Variants in BRAF observed in about 807,000 individuals in gnomAD.
BRAF encodes B-Raf proto-oncogene, serine/threonine kinase, also known as serine/threonine-protein kinase B-raf.
BRAF carries 16 observed loss-of-function variants against 104.6 expected under a neutral mutation model. That is an observed-to-expected ratio of 0.15 (90% CI 0.10 to 0.23). The LOEUF is 0.23. Ranked by LOEUF, BRAF falls within the 10% of genes least tolerant of loss-of-function variation. The pLI, the probability that BRAF is intolerant of heterozygous loss-of-function variation, is 1.00. For missense variants in BRAF, 541 were observed against 937.3 expected (o/e 0.58, Z 5.52); for synonymous variants, 310 against 341.6 (o/e 0.91, Z 1.02).
chr7:140,732,716 G>A (rs551953784), intron 19 of BRAF: 1 of 152,292 alleles, frequency 6.6e-6, no homozygotes, highest in South Asian at 2.1e-4. Context: ...ATGGCATTGA[G>A]AAGAAAAAGA....
chr7:140,735,531 T>C (rs1293945592), intron 18 of BRAF, among the ~76,000 whole-genome samples: 1 of 152,230 alleles, frequency 6.6e-6, no homozygotes, highest in Non-Finnish European at 1.5e-5. Context: ...CTATTATTAT[T>C]ACTTTTGTTA....
chr7:140,745,736 T>C (rs1462615149), intron 17 of BRAF, among the ~76,000 whole-genome samples: 1 of 152,260 alleles, frequency 6.6e-6, no homozygotes, highest in African/African-American at 2.4e-5. Context: ...GGTTTTGTTT[T>C]ATTCATTTTG....
At chr7:140,870,229 G>T (rs1167612162) in intron 1 of BRAF, among the ~76,000 whole-genome samples, 1 of 152,160 alleles carries the variant, frequency 6.6e-6, no homozygotes, top group African/African-American at 2.4e-5. Flanking sequence ...GACAGTGATG[G>T]AGAACTTCAG....
chr7:140,857,189 G>A (rs1809879409), intron 1 of BRAF, among the ~76,000 whole-genome samples: 1 of 152,176 alleles, frequency 6.6e-6, no homozygotes, highest in Non-Finnish European at 1.5e-5. Flanking sequence ...TTTTACTATA[G>A]ATGATTAGGT....
In BRAF at chr7:140,908,161, G is replaced by A. The variant is rs191015100; in HGVS notation, c.138+16405C>T. Among the ~76,000 whole-genome samples the A allele has an allele frequency of 1.2e-4, 18 of 152,204 alleles. No homozygotes were observed. In the South Asian group the frequency reaches 1.5e-3, roughly 12 times the overall value. ...CAACATTTGAAGATTTTATAGATCTGTTTCTGCTCTCTTCTTATTCACAGT... is the reference window on the plus strand; with the variant it reads ...CAACATTTGAAGATTTTATAGATCTATTTCTGCTCTCTTCTTATTCACAGT... On this transcript the variant is annotated intron_variant, in intron 1 of 19. Transcript: ENST00000644969.
intron 1 of BRAF, among the ~76,000 whole-genome samples, chr7:140,907,447 G>C (rs1437774793): frequency 6.6e-6 from 1 of 152,158 alleles, no homozygotes; most frequent in Non-Finnish European, 1.5e-5. Context: ...ACTTTTAGTA[G>C]AGGTGGGGTT....
Position 140,721,240 on chromosome 7 carries a change from T to C in BRAF, c.*5254A>G. 8 of 1,102,498 alleles carry C rather than the reference T, an allele frequency of 7.3e-6. No homozygotes were observed. Among genetic ancestry groups the C allele is most frequent in the Non-Finnish European group, 7.7e-6 (7 of 905,070 alleles). The allele number at this position is 1,102,498 out of a possible 1,614,324, so 68.3% of individuals were successfully genotyped here. On this transcript the variant is annotated 3_prime_UTR_variant, in exon 20 of 20. Coordinates refer to ENST00000644969, the MANE Select transcript of BRAF (RefSeq NM_001374258.1). ...AAAACTTAACAGTTGAAGTTGTGGA[T>C]GTTAAATAAAAGTACTTTAGTCACT...
At chr7:140,846,981 C>A (rs1322246683) in intron 2 of BRAF, among the ~76,000 whole-genome samples, 1 of 151,602 alleles carries the variant, frequency 6.6e-6, no homozygotes, top group South Asian at 2.1e-4. Flanking sequence ...CATGGTGAAA[C>A]CTGTCTCCAC....
intron 1 of BRAF, among the ~76,000 whole-genome samples, chr7:140,890,804 C>T (rs1387664916): frequency 1.3e-5 from 2 of 152,104 alleles, no homozygotes; most frequent in African/African-American, 2.4e-5. Context: ...ACAGCTGTCA[C>T]CCATATCTGA....
intron 1 of BRAF, among the ~76,000 whole-genome samples, chr7:140,896,367 AAAT>A (rs1448782624): frequency 6.6e-6 from 1 of 152,188 alleles, no homozygotes; most frequent in Admixed American, 6.5e-5. Flanking sequence ...AGATTCTCGC[AAAT>A]AATACCAATC....
chr7:140,777,889 A>G, intron 13 of BRAF, 102 bp downstream of exon 12: 1 of 1,165,626 alleles, frequency 8.6e-7, no homozygotes, highest in Non-Finnish European at 1.3e-6. Flanking sequence ...AAATTTATTC[A>G]TTTTGAGTAA....
chr7:140,907,017 T>C (rs1816399732), intron 1 of BRAF, among the ~76,000 whole-genome samples: 2 of 152,222 alleles, frequency 1.3e-5, no homozygotes, highest in African/African-American at 4.8e-5. Context: ...TGTACCATTC[T>C]TTCTCCTCTC....
chr7:140,825,660 G>T (rs919258190), intron 3 of BRAF, among the ~76,000 whole-genome samples: 1 of 152,142 alleles, frequency 6.6e-6, no homozygotes, highest in African/African-American at 2.4e-5. Context: ...ACTTTATGGT[G>T]CATTTGCCCA....
At chr7:140,895,641 C>T (rs1586577621) in intron 1 of BRAF, among the ~76,000 whole-genome samples, 1 of 152,204 alleles carries the variant, frequency 6.6e-6, no homozygotes, top group Admixed American at 6.5e-5. Flanking sequence ...ATGAAATCAA[C>T]TCTTTTTAGC....
intron 12 of BRAF, among the ~76,000 whole-genome samples, chr7:140,779,147 A>G (rs138559648): frequency 1.2e-3 from 186 of 152,374 alleles, no homozygotes; most frequent in African/African-American, 4.4e-3. Context: ...TTCCTGTTGT[A>G]ATCACAGTGG....
intron 3 of BRAF, among the ~76,000 whole-genome samples, chr7:140,820,469 A>G (rs1220448396): frequency 6.6e-6 from 1 of 152,208 alleles, no homozygotes; most frequent in Non-Finnish European, 1.5e-5. Context: ...CAACTACTCT[A>G]AACAATACAT....
rs1312571366 is a variant in BRAF at position 140,721,447 on chromosome 7, G to A, written c.*5047C>T. ...ATTGAATTTCAATTTAAATGTCTTTGCCCAAACAAAAGTGAAAATAGGTTA... is the reference window on the plus strand; with the variant it reads ...ATTGAATTTCAATTTAAATGTCTTTACCCAAACAAAAGTGAAAATAGGTTA... On this transcript the variant is annotated 3_prime_UTR_variant, in exon 20 of 20. Coordinates refer to ENST00000644969, the MANE Select transcript of BRAF (RefSeq NM_001374258.1). 1 of 1,263,886 alleles carries A rather than the reference G, an allele frequency of 7.9e-7. No homozygotes were observed. Among genetic ancestry groups the A allele is most frequent in the Non-Finnish European group, 9.9e-7 (1 of 1,005,608 alleles). The allele number at this position is 1,263,886 out of a possible 1,614,324, so 78.3% of individuals were successfully genotyped here. A position where few individuals can be genotyped will look rare whatever the true frequency, so the allele number is the denominator to read the frequency against.
Position 140,892,133 on chromosome 7 carries a change from C to T in BRAF, c.138+32433G>A, listed in dbSNP as rs570014109. On this transcript the variant is annotated intron_variant, in intron 1 of 19. Coordinates refer to ENST00000644969, the MANE Select transcript of BRAF (RefSeq NM_001374258.1). Reference sequence around the variant, plus strand: ...ACAATTAGCCAGGTGTGGTGGCACACACCTGTAGTCCCAACTACTTGGAAG... The same window carrying T: ...ACAATTAGCCAGGTGTGGTGGCACATACCTGTAGTCCCAACTACTTGGAAG... Among the ~76,000 whole-genome samples the T allele has an allele frequency of 4.1e-4, 63 of 152,224 alleles. 1 individual carries two copies. In the East Asian group the frequency reaches 0.011, roughly 27 times the overall value.
chr7:140,830,652 T>G lies in BRAF; in HGVS notation c.504+3957A>C, dbSNP rs141939060. On this transcript the variant is annotated intron_variant, in intron 3 of 19. Transcript: ENST00000644969. ...ACTTTCAGCCCCATCCACCAACCTC[T>G]GAGAAGTGGGGAGGTCGTGGAGATT... 2.3e-3 allele frequency among the ~76,000 whole-genome samples: 343 copies of G among 152,260 alleles called. 1 individual carries two copies. The highest frequency in any genetic ancestry group is 7.9e-3 in the African/African-American group (328 of 41,536).
Sources: gnomAD v4.1 joint callset for allele counts (sites outside exome capture counted in the v4.1 genomes callset) on GRCh38, gnomAD v4.1.1 for gene constraint, MANE v1.5 for transcripts, NCBI Gene and HGNC (gene_info 2026-07-23, HGNC 2026-07-21) for gene names.